Variants in SH3BP4 observed in about 807,000 individuals in gnomAD.
The protein encoded by SH3BP4 is SH3 domain binding protein 4, also known as SH3 domain-binding protein 4.
In SH3BP4, 33 loss-of-function variants were observed where a neutral mutation model predicts 65.5. The observed-to-expected ratio is 0.50, with a 90% CI of 0.38 to 0.67. The LOEUF (loss-of-function observed/expected upper bound fraction) is 0.67, where lower values mean the gene tolerates loss of function less well. Ranked by LOEUF, SH3BP4 falls within the 30% of genes least tolerant of loss-of-function variation. The pLI is 0.00. For missense variants in SH3BP4, 1,134 were observed against 1,261.4 expected (o/e 0.90, Z 1.53); for synonymous variants, 552 against 545.5 (o/e 1.01, Z -0.17).
chr2:234,971,462 A>G (rs1308556710), intron 1 of SH3BP4, among the ~76,000 whole-genome samples: 1 of 152,230 alleles, frequency 6.6e-6, no homozygotes, highest in East Asian at 1.9e-4. Flanking sequence ...GGGTGTGCAG[A>G]TATCTCTTTG....
chr2:235,052,607 C>G lies in SH3BP4; in HGVS notation c.2524C>G (p.Gln842Glu). The change falls in exon 5 of 6, where the codon CAG becomes GAG. Residue 842 changes from glutamine (Q) to glutamate (E), a missense_variant. Transcript: ENST00000392011. This position sits in a 1 kb window ranked among gnomAD's most constrained non-coding sequence, Gnocchi z 5.0. ...DCQGLVVRLI[Q>E]DFVLLTTAVE... ...CCAGGGCCTGGTGGTCAGACTCATC[C>G]AGGACTTTGTGCTCCTGACCACGGC... The G allele has an allele frequency of 6.4e-7, 1 of 1,558,446 alleles. No homozygotes were observed.
chr2:235,011,593 TG>T (rs1694507474), intron 2 of SH3BP4, among the ~76,000 whole-genome samples: 1 of 152,250 alleles, frequency 6.6e-6, no homozygotes, highest in Non-Finnish European at 1.5e-5. Context: ...AGCTCTCATC[TG>T]TGTCTTTGTC....
rs1695612998 is a variant in SH3BP4 at position 235,040,953 on chromosome 2, G to A, written c.184G>A (p.Ala62Thr). ...TTTCGGAAATGCAAAGGAAGTGATT[G>A]CGATCAAGGACTATTGCCCCACCAA... ...TPFGNAKEVIAIKDYCPTNFT... is the reference protein window; with the variant it reads ...TPFGNAKEVITIKDYCPTNFT... The change falls in exon 4 of 6, where the codon GCG becomes ACG. Residue 62 changes from alanine (A) to threonine (T), a missense_variant. Coordinates refer to ENST00000392011, the MANE Select transcript of SH3BP4 (RefSeq NM_014521.3). 1 of 1,614,128 alleles carries A rather than the reference G, an allele frequency of 6.2e-7. No homozygotes were observed. The highest frequency in any genetic ancestry group is 8.5e-7 in the Non-Finnish European group (1 of 1,180,018).
chr2:235,007,749 G>A (rs1241927537), intron 2 of SH3BP4, among the ~76,000 whole-genome samples: 2 of 152,156 alleles, frequency 1.3e-5, no homozygotes, highest in Non-Finnish European at 2.9e-5. Flanking sequence ...CCCGGGCTGC[G>A]GCCATCCTGA....
chr2:235,025,084 T>C (rs1468341336), intron 2 of SH3BP4, among the ~76,000 whole-genome samples: 1 of 152,152 alleles, frequency 6.6e-6, no homozygotes. Flanking sequence ...GCCTGTTTGC[T>C]GTCAGCCATC....
Position 235,035,125 on chromosome 2 carries a change from G to A in SH3BP4, c.118+5G>A. 6.2e-7 allele frequency: 1 copy of A among 1,600,336 alleles called. No homozygotes were observed. Among genetic ancestry groups the A allele is most frequent in the South Asian group, 1.1e-5 (1 of 90,816 alleles). ...CGAGCTTTAATGACATCAAAGGTGA[G>A]CTTCTGGGGAACAGGACTGTGGCTA... On this transcript the variant is annotated splice_donor_5th_base_variant and intron_variant, in intron 3 of 5. Transcript: ENST00000392011. The surrounding 1 kb of genome is among the most constrained non-coding windows in gnomAD (Gnocchi z 5.0).
chr2:234,990,301 G>A (rs762044282), intron 1 of SH3BP4, among the ~76,000 whole-genome samples: 26 of 152,212 alleles, frequency 1.7e-4, no homozygotes, highest in Non-Finnish European at 2.4e-4. Context: ...TCCAGCTGTC[G>A]GGGATGCAGG....
chr2:234,975,866 A>C (rs141291009), intron 1 of SH3BP4, among the ~76,000 whole-genome samples: 5,740 of 152,110 alleles, frequency 0.038, 122 homozygotes, highest in Middle Eastern at 0.051. Flanking sequence ...ACAGAGCAAG[A>C]CCCTCTCTCA....
At chr2:234,986,328 T>G (rs1481884984) in intron 1 of SH3BP4, among the ~76,000 whole-genome samples, 2 of 152,222 alleles carry the variant, frequency 1.3e-5, no homozygotes, top group African/African-American at 4.8e-5. Context: ...TTCAACATAC[T>G]GATGTTTCCC....
At chr2:235,039,094 TCA>T (rs1695550315) in intron 3 of SH3BP4, among the ~76,000 whole-genome samples, 1 of 152,048 alleles carries the variant, frequency 6.6e-6, no homozygotes, top group African/African-American at 2.4e-5. Context: ...GCTCTGGAGA[TCA>T]CACAGTTTCT....
At chr2:234,994,393 C>A (rs1418316034) in intron 1 of SH3BP4, 1 of 152,222 alleles carries the variant, frequency 6.6e-6, no homozygotes, top group Non-Finnish European at 1.5e-5. Flanking sequence ...GGGAAGGTGT[C>A]CAGAAGGAAG....
chr2:235,034,820 A>T lies in SH3BP4; in HGVS notation c.-132-51A>T. 3 of 588,048 alleles carry T rather than the reference A, an allele frequency of 5.1e-6. No homozygotes were observed. Among genetic ancestry groups the T allele is most frequent in the Non-Finnish European group, 9.1e-6 (3 of 330,400 alleles). The allele number at this position is 588,048 out of a possible 1,614,324, so 36.4% of individuals were successfully genotyped here. ...CCACTTCCCATAAAATTACCATTGAACCCATGTTTCGCTTGCTTAAGGGAC... is the reference window on the plus strand; with the variant it reads ...CCACTTCCCATAAAATTACCATTGATCCCATGTTTCGCTTGCTTAAGGGAC... On this transcript the variant is annotated intron_variant, in intron 2 of 5. Transcript: ENST00000392011. The surrounding 1 kb of genome is among the most constrained non-coding windows in gnomAD (Gnocchi z 6.2).
chr2:234,969,549 A>G (rs1692925848), intron 1 of SH3BP4, among the ~76,000 whole-genome samples: 1 of 152,068 alleles, frequency 6.6e-6, no homozygotes, highest in African/African-American at 2.4e-5. Context: ...CAGCTATTCC[A>G]AGGACTGAAA....
intron 1 of SH3BP4, among the ~76,000 whole-genome samples, chr2:234,984,810 G>A (rs1268674629): frequency 1.3e-5 from 2 of 151,922 alleles, no homozygotes; most frequent in African/African-American, 2.4e-5. Flanking sequence ...GGACTTGGGT[G>A]CTGATGTTTT....
chr2:234,974,493 T>C lies in SH3BP4; in HGVS notation c.-206-20810T>C, dbSNP rs1267332088. Reference sequence around the variant, plus strand: ...GAGTTGCTCTGTGGACAGGCAGCCCTGGAGCTAACAGGAGTATCCTGCATC... The same window carrying C: ...GAGTTGCTCTGTGGACAGGCAGCCCCGGAGCTAACAGGAGTATCCTGCATC... On this transcript the variant is annotated intron_variant, in intron 1 of 5. Transcript: ENST00000392011. This position sits in a 1 kb window ranked among gnomAD's most constrained non-coding sequence, Gnocchi z 4.6. Among the ~76,000 whole-genome samples, 1 of 152,222 alleles carries C rather than the reference T, an allele frequency of 6.6e-6. No homozygotes were observed. Among genetic ancestry groups the C allele is most frequent in the Non-Finnish European group, 1.5e-5 (1 of 68,038 alleles).
rs142881506 is a variant in SH3BP4, at chr2:234,986,120, A to G, written c.-206-9183A>G. 2.8e-3 allele frequency among the ~76,000 whole-genome samples: 420 copies of G among 151,014 alleles called. 6 individuals are homozygous for G. Among genetic ancestry groups the G allele is most frequent in the African/African-American group, 0.01 (409 of 40,588 alleles). On this transcript the variant is annotated intron_variant, in intron 1 of 5. Transcript: ENST00000392011. The stretch of plus-strand genomic sequence containing the variant: ...ACACAAACCTATGAGCTCAGGGTCC[A>G]TGTGCAGGTGAACCAGCCCTCCACT...
intron 1 of SH3BP4, among the ~76,000 whole-genome samples, chr2:234,988,185 A>G (rs1046698902): frequency 6.6e-5 from 10 of 151,900 alleles, no homozygotes; most frequent in South Asian, 2.1e-4. Context: ...TCAGCCTCCC[A>G]AGTAGCTGGG....
Position 235,054,080 on chromosome 2 carries a change from A to C in SH3BP4, c.*264A>C. ...AAATTTAAAATCACTTTTTTAACGA[A>C]TGGGGGGAAGGGATCTATGAGAAAG... On this transcript the variant is annotated 3_prime_UTR_variant, in exon 6 of 6. Coordinates refer to ENST00000392011, the MANE Select transcript of SH3BP4 (RefSeq NM_014521.3). The C allele has an allele frequency of 2.4e-6, 1 of 414,672 alleles. No individual in the cohort carries two copies. The highest frequency in any genetic ancestry group is 4.3e-6 in the Non-Finnish European group (1 of 230,390). The allele number at this position is 414,672 out of a possible 1,614,324, so 25.7% of individuals were successfully genotyped here.
Position 235,033,316 on chromosome 2 carries a change from G to A in SH3BP4, c.-132-1555G>A, listed in dbSNP as rs951423041. The stretch of plus-strand genomic sequence containing the variant: ...CTCACGTGGTAGAGGGAGAGAGAAC[G>A]GAAGCTCTCTGGTGTCTCAAATAAA... On this transcript the variant is annotated intron_variant, in intron 2 of 5. Coordinates refer to ENST00000392011, the MANE Select transcript of SH3BP4 (RefSeq NM_014521.3). The surrounding 1 kb of genome is among the most constrained non-coding windows in gnomAD (Gnocchi z 5.7). Among the ~76,000 whole-genome samples the A allele has an allele frequency of 1.3e-5, 2 of 152,168 alleles. No homozygotes were observed. Among genetic ancestry groups the A allele is most frequent in the African/African-American group, 4.8e-5 (2 of 41,440 alleles).
Sources: allele counts gnomAD v4.1 joint callset (sites outside exome capture counted in the v4.1 genomes callset), GRCh38; gene constraint gnomAD v4.1.1; non-coding constraint Gnocchi (gnomAD v3.1); transcripts MANE v1.5; gene names NCBI Gene and HGNC (gene_info 2026-07-23, HGNC 2026-07-21).